CR1L: variants seen among roughly 807,000 people sequenced by gnomAD.
The protein encoded by CR1L is complement component receptor 1-like protein.
Under a neutral mutation model 62.3 loss-of-function variants are expected in CR1L, and 59 were observed. That is an observed-to-expected ratio of 0.95 (90% CI 0.77 to 1.18). The LOEUF (loss-of-function observed/expected upper bound fraction) is 1.18. CR1L is among the 50% of genes most tolerant of loss of function. CR1L has a pLI of 0.00. For synonymous variants in CR1L, 279 were observed against 248.7 expected (o/e 1.12, Z -1.15); for missense variants, 700 against 702.8 (o/e 1.00, Z 0.04).
chr1:207,663,029 G>T (rs182958887), intron 1 of CR1L, among the ~76,000 whole-genome samples: 3 of 152,126 alleles, frequency 2.0e-5, no homozygotes, highest in Non-Finnish European at 4.4e-5. Context: ...AGGAGTACCC[G>T]CTGTGTGAGG....
intron 10 of CR1L, among the ~76,000 whole-genome samples, chr1:207,716,745 G>C (rs949228415): frequency 1.3e-5 from 2 of 152,154 alleles, no homozygotes; most frequent in African/African-American, 4.8e-5. Flanking sequence ...ATTGTTTGAT[G>C]TACTAAGTCT....
intron 1 of CR1L, among the ~76,000 whole-genome samples, chr1:207,646,026 G>A (rs1663119363): frequency 6.6e-6 from 1 of 152,132 alleles, no homozygotes; most frequent in South Asian, 2.1e-4. Context: ...GGGTTAGAGA[G>A]GTGGTAAGGG....
chr1:207,649,379 G>T (rs6667118), intron 1 of CR1L, among the ~76,000 whole-genome samples: 59,270 of 152,020 alleles, frequency 0.39, 11,724 homozygotes, highest in African/African-American at 0.42. Context: ...AAAGCAACAG[G>T]CTTGTCAGGA....
intron 10 of CR1L, among the ~76,000 whole-genome samples, chr1:207,714,104 A>G (rs1653916094): frequency 6.6e-6 from 1 of 152,216 alleles, no homozygotes; most frequent in South Asian, 2.1e-4. Flanking sequence ...AAGGGTGAGG[A>G]GGGTGGAGAA....
At chr1:207,656,018 C>T (rs1252342345) in intron 1 of CR1L, among the ~76,000 whole-genome samples, 1 of 152,250 alleles carries the variant, frequency 6.6e-6, no homozygotes, top group East Asian at 1.9e-4. Context: ...GCGGGTGGAT[C>T]GCGAGGTCAG....
At chr1:207,664,119 T>C (rs1199012707) in intron 1 of CR1L, among the ~76,000 whole-genome samples, 1 of 152,252 alleles carries the variant, frequency 6.6e-6, no homozygotes, top group Non-Finnish European at 1.5e-5. Flanking sequence ...GCTGTGCTTA[T>C]GACTGGAGAG....
chr1:207,660,500 T>G (rs1442187314), intron 1 of CR1L, among the ~76,000 whole-genome samples: 2 of 152,244 alleles, frequency 1.3e-5, no homozygotes, highest in Non-Finnish European at 2.9e-5. Context: ...ATCCCCTTTA[T>G]CATTTTTTAT....
rs1047704215 is a variant in CR1L at position 207,669,486 on chromosome 1, G to A, written c.98-7903G>A. On this transcript the variant is annotated intron_variant, in intron 1 of 11. Transcript: ENST00000508064. ...CGAGAAGCCGGGAGCCTGTTGGGCAGCCGGCGCCCGGTCTCCCCTTCTGCT... is the reference window on the plus strand; with the variant it reads ...CGAGAAGCCGGGAGCCTGTTGGGCAACCGGCGCCCGGTCTCCCCTTCTGCT... 3.8e-6 allele frequency: 6 copies of A among 1,577,834 alleles called. 1 individual carries two copies. In the African/African-American group the frequency reaches 6.9e-5, roughly 18 times the overall value.
intron 1 of CR1L, among the ~76,000 whole-genome samples, chr1:207,656,952 G>A (rs546054134): frequency 1.0e-3 from 155 of 152,250 alleles, no homozygotes; most frequent in Non-Finnish European, 1.9e-3. Flanking sequence ...TACATTAATG[G>A]TTTGAATTTG....
At chr1:207,716,749 TAA>T (rs1654008314) in intron 10 of CR1L, among the ~76,000 whole-genome samples, 2 of 152,346 alleles carry the variant, frequency 1.3e-5, no homozygotes, top group South Asian at 4.1e-4. Flanking sequence ...TTTGATGTAC[TAA>T]GTCTTTTATG....
At chr1:207,697,703 G>T in intron 6 of CR1L, 24 bp downstream of exon 6, 1 of 1,613,874 alleles carries the variant, frequency 6.2e-7, no homozygotes, top group Non-Finnish European at 8.5e-7. Context: ...TATCTGGCTT[G>T]GTATTTTTAG....
chr1:207,708,117 ATGC>A, intron 9 of CR1L, 58 bp from the exon 10 acceptor site: 1 of 1,577,380 alleles, frequency 6.3e-7, no homozygotes, highest in Admixed American at 1.7e-5. Flanking sequence ...CCACATATGC[ATGC>A]TGTCAGGAAG....
Position 207,669,447 on chromosome 1 carries a change from G to A in CR1L, c.98-7942G>A, listed in dbSNP as rs1289818963. 3.6e-6 allele frequency: 5 copies of A among 1,371,366 alleles called. No individual in the cohort carries two copies. The Admixed American group carries it at 6.9e-5, about 19-fold the overall frequency. 84.9% of individuals were successfully genotyped at this position (1,371,366 alleles called of 1,614,324 possible). On this transcript the variant is annotated intron_variant, in intron 1 of 11. Transcript: ENST00000508064. ...GTTTGTAGATGTGCTTCGGGAGGAT[G>A]GGGGTCTCTTCTCCGAGAAGCCGGG... is the stretch of plus-strand genomic sequence containing the variant.
chr1:207,693,947 G>T (rs1474454693), intron 4 of CR1L, among the ~76,000 whole-genome samples: 2 of 151,782 alleles, frequency 1.3e-5, no homozygotes, highest in Non-Finnish European at 1.5e-5. Context: ...GTGTATATTT[G>T]TGTCTTCTCT....
At chr1:207,691,017 T>A (rs1290286024) in intron 4 of CR1L, among the ~76,000 whole-genome samples, 1 of 152,192 alleles carries the variant, frequency 6.6e-6, no homozygotes, top group Non-Finnish European at 1.5e-5. Flanking sequence ...AGAGATTAGG[T>A]TAGGACACAG....
chr1:207,710,866 G>C, intron 10 of CR1L: 3 of 1,328,278 alleles, frequency 2.3e-6, no homozygotes, highest in Non-Finnish European at 3.2e-6. Flanking sequence ...TGTTTAGGGG[G>C]AGGGATGTAT....
At chr1:207,715,521 T>C in intron 10 of CR1L, 2 of 522,860 alleles carry the variant, frequency 3.8e-6, no homozygotes, top group South Asian at 2.0e-5. Context: ...TACTTCTCTG[T>C]TGGAAGAATT....
At chr1:207,672,300 A>AATG (rs1369659841) in intron 1 of CR1L, among the ~76,000 whole-genome samples, 1 of 150,562 alleles carries the variant, frequency 6.6e-6, no homozygotes, top group Non-Finnish European at 1.5e-5. Context: ...GTCATCATAT[A>AATG]ATGATAAAGG....
chr1:207,651,293 A>AATTC (rs10635984), intron 1 of CR1L, among the ~76,000 whole-genome samples: 71,698 of 151,706 alleles, frequency 0.47, 17,449 homozygotes, highest in African/African-American at 0.59. Flanking sequence ...CATAGGAAGA[A>AATTC]AGTCCTCTGA....
Sources: allele counts gnomAD v4.1 joint callset (sites outside exome capture counted in the v4.1 genomes callset), GRCh38; gene constraint gnomAD v4.1.1; transcripts MANE v1.5; gene names NCBI Gene and HGNC (gene_info 2026-07-23, HGNC 2026-07-21).